RABGAP1L: variants seen among roughly 807,000 people sequenced by gnomAD.
The protein encoded by RABGAP1L is RAB GTPase activating protein 1 like.
In RABGAP1L, 63 loss-of-function variants were observed where a neutral mutation model predicts 137.7. The ratio of observed to expected loss-of-function variants is 0.46; its 90% CI spans 0.37 to 0.56. The LOEUF (loss-of-function observed/expected upper bound fraction) is 0.56. Ranked by LOEUF, RABGAP1L falls within the 20% of genes least tolerant of loss-of-function variation. RABGAP1L has a pLI of 0.00. For synonymous variants in RABGAP1L, 431 were observed against 433.7 expected, an observed-to-expected ratio of 0.99 and a Z score of 0.08; for missense variants, 1,095 against 1,244.0, an observed-to-expected ratio of 0.88 and a Z score of 1.80.
intron 17 of RABGAP1L, among the ~76,000 whole-genome samples, chr1:174,749,859 T>G (rs1684201209): frequency 6.6e-6 from 1 of 152,056 alleles, no homozygotes; most frequent in Non-Finnish European, 1.5e-5. Flanking sequence ...CATTTCAAAA[T>G]ATGTTCAAGG....
chr1:174,289,482 A>G (rs1289728748), intron 10 of RABGAP1L, among the ~76,000 whole-genome samples: 2 of 152,062 alleles, frequency 1.3e-5, no homozygotes, highest in African/African-American at 4.8e-5. Context: ...ACATATCTTC[A>G]TTTGTTTAGG....
In RABGAP1L at chr1:174,658,080, TATC is replaced by T. The variant is rs1676095756; in HGVS notation, c.1824+20595_1824+20597del. Among the ~76,000 whole-genome samples the T allele has an allele frequency of 2.6e-5, 4 of 152,278 alleles. No individual in the cohort carries two copies. In the South Asian group the frequency reaches 8.3e-4, roughly 32 times the overall value. On this transcript the variant is annotated intron_variant, in intron 14 of 25. Transcript: ENST00000681986. ...AATGCAAGCTGTTAGTTTTCAAGGT[TATC>T]ATGGAGCTGGAGGGTGGGAGATGGG...
intron 13 of RABGAP1L, among the ~76,000 whole-genome samples, chr1:174,438,742 G>GTATATATATATA (rs1468934527): frequency 7.6e-5 from 5 of 65,792 alleles, no homozygotes; most frequent in African/African-American, 7.1e-4. Flanking sequence ...AAGTGTGTGT[G>GTATATATATATA]TGTATATATA....
intron 7 of RABGAP1L, among the ~76,000 whole-genome samples, chr1:174,254,875 A>G (rs1380926323): frequency 1.3e-5 from 2 of 152,170 alleles, no homozygotes; most frequent in Non-Finnish European, 2.9e-5. Flanking sequence ...GCTGGGTCAA[A>G]TGGTATTTCT....
intron 11 of RABGAP1L, among the ~76,000 whole-genome samples, chr1:174,315,340 A>T (rs918284717): frequency 6.6e-6 from 1 of 152,006 alleles, no homozygotes. Flanking sequence ...TTCAGTTGGC[A>T]TGGAATATCT....
intron 19 of RABGAP1L, among the ~76,000 whole-genome samples, chr1:174,825,242 G>A (rs1691445558): frequency 6.6e-6 from 1 of 152,128 alleles, no homozygotes; most frequent in South Asian, 2.1e-4. Context: ...GAGTACAAAC[G>A]ACATAAAGAG....
intron 13 of RABGAP1L, among the ~76,000 whole-genome samples, chr1:174,491,292 A>G (rs1660204319): frequency 6.6e-6 from 1 of 151,818 alleles, no homozygotes; most frequent in African/African-American, 2.4e-5. Context: ...AGGTGATGGG[A>G]TCTGCCATGA....
rs543361140 is a variant in RABGAP1L, at chr1:174,883,116, G to A, written c.2340+71156G>A. 6.5e-4 allele frequency among the ~76,000 whole-genome samples: 99 copies of A among 152,226 alleles called. 1 individual carries two copies. The East Asian group carries it at 8.5e-3, about 13-fold the overall frequency. The stretch of plus-strand genomic sequence containing the variant: ...TGGGATTACAGGTGTGAGCCACCAC[G>A]CCTGGCCTCTACTGGGGGTTTTAAA... On this transcript the variant is annotated intron_variant, in intron 19 of 25. Coordinates refer to ENST00000681986, the MANE Select transcript of RABGAP1L (RefSeq NM_001366446.1).
At chr1:174,627,084 G>C (rs1672989001) in intron 13 of RABGAP1L, among the ~76,000 whole-genome samples, 1 of 152,188 alleles carries the variant, frequency 6.6e-6, no homozygotes, top group African/African-American at 2.4e-5. Context: ...AAATGATTTT[G>C]TGGTAGATTT....
At chr1:174,407,667 A>G (rs1203625241) in intron 13 of RABGAP1L, among the ~76,000 whole-genome samples, 1 of 152,084 alleles carries the variant, frequency 6.6e-6, no homozygotes, top group Non-Finnish European at 1.5e-5. Context: ...GGATTCATTT[A>G]TCTCAAAGTA....
intron 13 of RABGAP1L, among the ~76,000 whole-genome samples, chr1:174,523,250 G>A (rs375407746): frequency 2.6e-5 from 4 of 152,108 alleles, no homozygotes; most frequent in Non-Finnish European, 5.9e-5. Context: ...AGCCCTGTCC[G>A]TTCTACTGGC....
At chr1:174,442,693 C>T (rs1485182625) in intron 13 of RABGAP1L, among the ~76,000 whole-genome samples, 12 of 152,052 alleles carry the variant, frequency 7.9e-5, no homozygotes. Context: ...GAAATTGGGA[C>T]ATCTGTCATC....
intron 17 of RABGAP1L, among the ~76,000 whole-genome samples, chr1:174,719,449 A>T (rs183940363): frequency 3.9e-5 from 6 of 152,304 alleles, no homozygotes; most frequent in African/African-American, 1.4e-4. Context: ...CCAATCAGTC[A>T]ACAAGCATCT....
At chr1:174,980,213 C>G (rs1670973307) in intron 23 of RABGAP1L, among the ~76,000 whole-genome samples, 1 of 151,890 alleles carries the variant, frequency 6.6e-6, no homozygotes, top group Admixed American at 6.6e-5. Context: ...TTCACTAATA[C>G]ATTATGAACA....
At chr1:174,662,230 A>G (rs187942120) in intron 14 of RABGAP1L, among the ~76,000 whole-genome samples, 10 of 149,622 alleles carry the variant, frequency 6.7e-5, no homozygotes, top group African/African-American at 2.5e-4. Context: ...CAACCTCCCA[A>G]GTAGCTGGGA....
intron 14 of RABGAP1L, among the ~76,000 whole-genome samples, chr1:174,672,069 A>G (rs536101698): frequency 8.5e-5 from 13 of 152,086 alleles, no homozygotes; most frequent in Non-Finnish European, 7.4e-5. Flanking sequence ...TCAGTTGCAT[A>G]TGTACACAGA....
chr1:174,383,206 G>A (rs1225631404), intron 12 of RABGAP1L, among the ~76,000 whole-genome samples: 1 of 150,962 alleles, frequency 6.6e-6, no homozygotes, highest in East Asian at 2.0e-4. Flanking sequence ...TGTCAGACAG[G>A]GACATTTAAG....
At chr1:174,635,961 A>G (rs1311801763) in intron 13 of RABGAP1L, among the ~76,000 whole-genome samples, 1 of 152,208 alleles carries the variant, frequency 6.6e-6, no homozygotes, top group Non-Finnish European at 1.5e-5. Flanking sequence ...TTGAGACTGA[A>G]GAGAAAGTTT....
chr1:174,848,839 T>C (rs1182687930), intron 19 of RABGAP1L, among the ~76,000 whole-genome samples: 69 of 151,390 alleles, frequency 4.6e-4, no homozygotes, highest in Non-Finnish European at 8.4e-4. Context: ...CGCTGCCGCC[T>C]TGCAGTTTGA....
Sources: allele counts gnomAD v4.1 joint callset (sites outside exome capture counted in the v4.1 genomes callset), GRCh38; gene constraint gnomAD v4.1.1; transcripts MANE v1.5; gene names NCBI Gene and HGNC (gene_info 2026-07-23, HGNC 2026-07-21).